FUT9: variants seen among roughly 807,000 people sequenced by gnomAD.
FUT9 encodes 4-galactosyl-N-acetylglucosaminide 3-alpha-L-fucosyltransferase 9.
Under a neutral mutation model 29.7 loss-of-function variants are expected in FUT9, and 15 were observed. The ratio of observed to expected loss-of-function variants is 0.51; its 90% CI spans 0.34 to 0.78. The LOEUF (loss-of-function observed/expected upper bound fraction) is 0.78. FUT9 is among the 30% of genes least tolerant of loss of function. The pLI is 0.01. For synonymous variants in FUT9, 169 were observed against 153.7 expected (o/e 1.10, Z -0.74); for missense variants, 319 against 425.4 (o/e 0.75, Z 2.20).
At chr6:96,113,095 C>A (rs983976079) in intron 1 of FUT9, among the ~76,000 whole-genome samples, 4 of 152,036 alleles carry the variant, frequency 2.6e-5, no homozygotes, top group Non-Finnish European at 5.9e-5. Flanking sequence ...GACATGGGCA[C>A]AATTTATTCT....
intron 2 of FUT9, among the ~76,000 whole-genome samples, chr6:96,164,413 C>G (rs1439371056): frequency 1.3e-5 from 2 of 152,000 alleles, no homozygotes; most frequent in Non-Finnish European, 2.9e-5. Context: ...CGCCTGCCAC[C>G]GCTCCCGGCT....
intron 2 of FUT9, among the ~76,000 whole-genome samples, chr6:96,134,910 A>G (rs926966031): frequency 6.6e-6 from 1 of 151,922 alleles, no homozygotes; most frequent in South Asian, 2.1e-4. Context: ...TAGAAATTCT[A>G]CTTTGCAGGA....
rs186943483 is a variant in FUT9 at position 96,046,894 on chromosome 6, G to C, written c.-98+30682G>C. 3.8e-4 allele frequency among the ~76,000 whole-genome samples: 58 copies of C among 152,270 alleles called. No individual in the cohort carries two copies. In the East Asian group the frequency reaches 0.011, roughly 28 times the overall value. On this transcript the variant is annotated intron_variant, in intron 1 of 2. Transcript: ENST00000302103. ...AATGCTACATTTGAAAAAATTATCA[G>C]AGTGACAGAAATTAATCATGTATTT...
At chr6:96,039,015 T>G (rs574936408) in intron 1 of FUT9, among the ~76,000 whole-genome samples, 1 of 152,298 alleles carries the variant, frequency 6.6e-6, no homozygotes, top group African/African-American at 2.4e-5. Context: ...GCTTCAATAT[T>G]TCTACCTTAG....
At chr6:96,098,067 C>T (rs1250518625) in intron 1 of FUT9, among the ~76,000 whole-genome samples, 3 of 151,516 alleles carry the variant, frequency 2.0e-5, no homozygotes, top group African/African-American at 7.3e-5. Context: ...TGCCTATTCC[C>T]AGCATGTGTC....
At chr6:96,133,932 G>T (rs1256411863) in intron 2 of FUT9, among the ~76,000 whole-genome samples, 3 of 151,670 alleles carry the variant, frequency 2.0e-5, no homozygotes, top group Non-Finnish European at 4.4e-5. Flanking sequence ...ACTATAGGAT[G>T]TTAATAGTTA....
At chr6:96,192,450 C>T (rs575170419) in intron 2 of FUT9, among the ~76,000 whole-genome samples, 12 of 152,210 alleles carry the variant, frequency 7.9e-5, no homozygotes, top group African/African-American at 2.9e-4. Context: ...CTCCCATTCA[C>T]AATTGCTTCA....
intron 1 of FUT9, among the ~76,000 whole-genome samples, chr6:96,108,424 T>C (rs1771733653): frequency 6.6e-6 from 1 of 152,128 alleles, no homozygotes; most frequent in African/African-American, 2.4e-5. Flanking sequence ...TCTCTAAAAC[T>C]GGAATAGTAC....
chr6:96,024,448 G>C (rs1770128089), intron 1 of FUT9, among the ~76,000 whole-genome samples: 1 of 151,698 alleles, frequency 6.6e-6, no homozygotes, highest in African/African-American at 2.4e-5. Flanking sequence ...AATTAACTTA[G>C]AATATTGTTG....
intron 1 of FUT9, among the ~76,000 whole-genome samples, chr6:96,103,878 A>C (rs1299124065): frequency 1.3e-5 from 2 of 152,200 alleles, no homozygotes; most frequent in African/African-American, 4.8e-5. Context: ...TAATTGGTGG[A>C]TCCATCTTAA....
chr6:96,065,677 G>A (rs750209008), intron 1 of FUT9, among the ~76,000 whole-genome samples: 52 of 152,110 alleles, frequency 3.4e-4, no homozygotes, highest in Non-Finnish European at 6.3e-4. Context: ...TTTGGGATAT[G>A]TATGTAGACA....
intron 2 of FUT9, among the ~76,000 whole-genome samples, chr6:96,160,087 C>T (rs921739979): frequency 6.6e-6 from 1 of 152,140 alleles, no homozygotes; most frequent in African/African-American, 2.4e-5. Context: ...ACGTTTTAGA[C>T]TTTTGCCCAT....
Position 96,022,727 on chromosome 6 carries a change from T to C in FUT9, c.-98+6515T>C, listed in dbSNP as rs1387236714. On this transcript the variant is annotated intron_variant, in intron 1 of 2. Transcript: ENST00000302103. The stretch of plus-strand genomic sequence containing the variant: ...TTCATAGGACCCCTTTTTACCTTTG[T>C]TCGTCATTGAATCTGAGTTGGTACA... Among the ~76,000 whole-genome samples, 4 of 151,892 alleles carry C rather than the reference T, an allele frequency of 2.6e-5. No homozygotes were observed. The East Asian group carries it at 5.8e-4, about 22-fold the overall frequency.
intron 2 of FUT9, among the ~76,000 whole-genome samples, chr6:96,128,009 T>C (rs1174702952): frequency 3.9e-5 from 6 of 152,272 alleles, no homozygotes; most frequent in Admixed American, 3.9e-4. Flanking sequence ...TTTCTTTTGC[T>C]GTGTAGAAGC....
intron 2 of FUT9, among the ~76,000 whole-genome samples, chr6:96,115,179 C>T (rs1215211348): frequency 6.6e-6 from 1 of 152,038 alleles, no homozygotes; most frequent in African/African-American, 2.4e-5. Context: ...ATGTGAACTG[C>T]ATATGTTATT....
At chr6:96,167,027 G>C (rs1043219480) in intron 2 of FUT9, among the ~76,000 whole-genome samples, 2 of 152,042 alleles carry the variant, frequency 1.3e-5, no homozygotes, top group African/African-American at 4.8e-5. Flanking sequence ...GCAAAACCAT[G>C]GATACAGGGG....
intron 1 of FUT9, among the ~76,000 whole-genome samples, chr6:96,018,636 G>C (rs768213768): frequency 6.6e-6 from 1 of 151,766 alleles, no homozygotes; most frequent in Non-Finnish European, 1.5e-5. Context: ...AGAGGATGAC[G>C]GGTTTAAGTA....
In FUT9 at chr6:96,064,588, ACT is replaced by A. The variant is rs961404085; in HGVS notation, c.-98+48377_-98+48378del. ...TTTCTTTGGCTCCCAGCACACACAC[ACT>A]GATCTACATTGAAAAAAATACAAAC... On this transcript the variant is annotated intron_variant, in intron 1 of 2. Coordinates refer to ENST00000302103, the MANE Select transcript of FUT9 (RefSeq NM_006581.4). Among the ~76,000 whole-genome samples, 14 of 139,052 alleles carry A rather than the reference ACT, an allele frequency of 1.0e-4. 1 individual carries two copies. The highest frequency in any genetic ancestry group is 5.7e-4 in the Admixed American group (8 of 14,072). The allele number at this position is 139,052 out of a possible 152,430, so 91.2% of individuals were successfully genotyped here. A position where few individuals can be genotyped will look rare whatever the true frequency, so the allele number is the denominator to read the frequency against.
At chr6:96,034,384 C>A (rs1770316949) in intron 1 of FUT9, among the ~76,000 whole-genome samples, 1 of 150,544 alleles carries the variant, frequency 6.6e-6, no homozygotes, top group Non-Finnish European at 1.5e-5. Flanking sequence ...GAATTATATC[C>A]AATAACCAAT....
Sources: gnomAD v4.1 joint callset for allele counts (sites outside exome capture counted in the v4.1 genomes callset) on GRCh38, gnomAD v4.1.1 for gene constraint, MANE v1.5 for transcripts, NCBI Gene and HGNC (gene_info 2026-07-23, HGNC 2026-07-21) for gene names.